Variants in KCNMA1 observed in about 807,000 individuals in gnomAD.
KCNMA1 encodes potassium calcium-activated channel subfamily M alpha 1, also known as Calcium-activated potassium channel subunit alpha-1.
In KCNMA1, 29 loss-of-function variants were observed where a neutral mutation model predicts 140.0. The observed-to-expected ratio is 0.21, with a 90% CI of 0.15 to 0.28. The LOEUF (loss-of-function observed/expected upper bound fraction) is 0.28. Ranked by LOEUF, KCNMA1 falls within the 10% of genes least tolerant of loss-of-function variation. The pLI is 1.00. For missense variants in KCNMA1, 880 were observed against 1,602.2 expected (o/e 0.55, Z 7.70); for synonymous variants, 612 against 611.9 (o/e 1.00, Z 0.00).
At chr10:77,607,549 A>G (rs566032996) in intron 1 of KCNMA1, among the ~76,000 whole-genome samples, 1 of 152,284 alleles carries the variant, frequency 6.6e-6, no homozygotes, top group East Asian at 1.9e-4. Flanking sequence ...GGTCCTTCAA[A>G]GAGGGAGGTA....
At chr10:77,428,887 G>C (rs1362986005) in intron 1 of KCNMA1, among the ~76,000 whole-genome samples, 4 of 152,116 alleles carry the variant, frequency 2.6e-5, no homozygotes, top group African/African-American at 9.7e-5. Context: ...GCAGGCAGTG[G>C]GTTTTGAAAT....
chr10:77,590,235 C>T (rs2078614434), intron 1 of KCNMA1, among the ~76,000 whole-genome samples: 1 of 152,258 alleles, frequency 6.6e-6, no homozygotes, highest in South Asian at 2.1e-4. Flanking sequence ...GGATCCCGCA[C>T]CGGGGCCGCA....
intron 2 of KCNMA1, among the ~76,000 whole-genome samples, chr10:77,255,104 G>A (rs1487684654): frequency 1.3e-5 from 2 of 152,130 alleles, no homozygotes; most frequent in African/African-American, 2.4e-5. Flanking sequence ...AGTATGAATT[G>A]TCACCTTCTC....
rs1030365709 is a variant in KCNMA1 at position 77,371,355 on chromosome 10, G to C, written c.540+32507C>G. ...TGTGCCATCTTCCCCTGTGGCACCT[G>C]TGTGTAGGAATCTTCAACAGCTGCA... On this transcript the variant is annotated intron_variant, in intron 2 of 27. Coordinates refer to ENST00000286628, the MANE Select transcript of KCNMA1 (RefSeq NM_001161352.2). Among the ~76,000 whole-genome samples, 6 of 152,220 alleles carry C rather than the reference G, an allele frequency of 3.9e-5. No individual in the cohort carries two copies. The East Asian group carries it at 5.8e-4, about 15-fold the overall frequency.
intron 14 of KCNMA1, among the ~76,000 whole-genome samples, chr10:77,060,609 G>A (rs1229988047): frequency 1.3e-5 from 2 of 152,172 alleles, no homozygotes; most frequent in African/African-American, 4.8e-5. Context: ...CTGATCTTCA[G>A]CTCTGATTTT....
intron 25 of KCNMA1, among the ~76,000 whole-genome samples, chr10:76,900,794 G>T (rs2044867449): frequency 6.6e-6 from 1 of 151,886 alleles, no homozygotes; most frequent in Admixed American, 6.6e-5. Flanking sequence ...TTGCCATAAT[G>T]TATGAGATGG....
intron 2 of KCNMA1, among the ~76,000 whole-genome samples, chr10:77,284,568 C>T (rs2070017970): frequency 6.6e-6 from 1 of 152,008 alleles, no homozygotes; most frequent in Admixed American, 6.6e-5. Context: ...GGCTGGAGTG[C>T]AGTGGCACGA....
intron 2 of KCNMA1, among the ~76,000 whole-genome samples, chr10:77,270,420 T>C (rs1294223050): frequency 6.6e-6 from 1 of 152,170 alleles, no homozygotes; most frequent in Non-Finnish European, 1.5e-5. Flanking sequence ...CTTAGGATGA[T>C]GGCTCAATGT....
At chr10:77,097,330 T>C (rs918014273) in intron 9 of KCNMA1, among the ~76,000 whole-genome samples, 1 of 152,192 alleles carries the variant, frequency 6.6e-6, no homozygotes, top group African/African-American at 2.4e-5. Flanking sequence ...TCAGTAAAGA[T>C]AGGGGAGACA....
chr10:77,137,272 A>G (rs942149604), intron 5 of KCNMA1, among the ~76,000 whole-genome samples: 1 of 152,160 alleles, frequency 6.6e-6, no homozygotes, highest in African/African-American at 2.4e-5. Flanking sequence ...GGGTTTTCCA[A>G]TTTGCTATTT....
At chr10:77,271,195 C>T (rs148995559) in intron 2 of KCNMA1, among the ~76,000 whole-genome samples, 62 of 152,282 alleles carry the variant, frequency 4.1e-4, no homozygotes, top group African/African-American at 1.3e-3. Flanking sequence ...TAAAGTTAAA[C>T]ACAAATTAAA....
intron 3 of KCNMA1, among the ~76,000 whole-genome samples, chr10:77,194,271 C>T (rs915936584): frequency 3.3e-5 from 5 of 152,140 alleles, no homozygotes; most frequent in Non-Finnish European, 7.4e-5. Context: ...TAGGCTGGTA[C>T]TCCCATAGCA....
intron 2 of KCNMA1, among the ~76,000 whole-genome samples, chr10:77,294,518 C>T (rs2074327465): frequency 6.6e-6 from 1 of 152,316 alleles, no homozygotes; most frequent in Middle Eastern, 3.4e-3. Flanking sequence ...CCAAAAATGC[C>T]ATTCATAGGA....
intron 2 of KCNMA1, among the ~76,000 whole-genome samples, chr10:77,278,722 C>T (rs7093023): frequency 0.19 from 29,057 of 152,108 alleles, 6,052 homozygotes; most frequent in African/African-American, 0.52. Flanking sequence ...AATCACATGA[C>T]GATTCGTTAA....
chr10:77,245,487 G>C (rs2058352411), intron 3 of KCNMA1, among the ~76,000 whole-genome samples: 1 of 152,176 alleles, frequency 6.6e-6, no homozygotes. Context: ...GTTTGAACAA[G>C]GCTGGAGAAG....
At chr10:77,351,498 A>G (rs532168517) in intron 2 of KCNMA1, among the ~76,000 whole-genome samples, 107 of 152,212 alleles carry the variant, frequency 7.0e-4, no homozygotes, top group Non-Finnish European at 1.4e-3. Context: ...TTTCAGCAGC[A>G]TGTCAGCCCC....
intron 2 of KCNMA1, among the ~76,000 whole-genome samples, chr10:77,295,609 G>T (rs557774330): frequency 6.7e-6 from 1 of 149,754 alleles, no homozygotes; most frequent in Non-Finnish European, 1.5e-5. Context: ...GTGAAACCCC[G>T]TCTCTACTAA....
chr10:76,945,086 G>A (rs1387850409), intron 22 of KCNMA1, 121 bp from the exon 23 acceptor site: 1 of 843,464 alleles, frequency 1.2e-6, no homozygotes, highest in Non-Finnish European at 2.0e-6. Flanking sequence ...TTGAGTCGGA[G>A]CTTTGGGAAA....
At chr10:77,315,834 C>T (rs2080720549) in intron 2 of KCNMA1, 1 of 152,182 alleles carries the variant, frequency 6.6e-6, no homozygotes, top group East Asian at 1.9e-4. Context: ...TAAACTGCAT[C>T]AAGTAAAAGC....
Sources: gnomAD v4.1 joint callset for allele counts (sites outside exome capture counted in the v4.1 genomes callset) on GRCh38, gnomAD v4.1.1 for gene constraint, MANE v1.5 for transcripts, NCBI Gene and HGNC (gene_info 2026-07-23, HGNC 2026-07-21) for gene names.